Variants in S100A8 observed in about 807,000 individuals in gnomAD.
S100A8 encodes protein S100-A8.
Under a neutral mutation model 4.2 loss-of-function variants are expected in S100A8, and 1 was observed. The ratio of observed to expected loss-of-function variants is 0.24; its 90% confidence interval spans 0.08 to 1.12. S100A8 has a LOEUF of 1.12. S100A8 is among the 50% of genes most tolerant of loss of function. The pLI is 0.53. For synonymous variants in S100A8, 41 were observed against 44.7 expected (o/e 0.92, Z 0.33); for missense variants, 96 against 111.8 (o/e 0.86, Z 0.64).
the S100A8 span, chr1:153,418,246 A>T: frequency 4.3e-6 from 7 of 1,613,600 alleles, no homozygotes; most frequent in African/African-American, 9.3e-5. Context: ...CTAGCTTCTC[A>T]ATGTTGGTTG....
chr1:153,404,847 A>G, the S100A8 span, among the ~76,000 whole-genome samples: 3 of 151,996 alleles, frequency 2.0e-5, no homozygotes, highest in African/African-American at 7.2e-5. Context: ...AACCTACAGA[A>G]GGGCGGGAAC....
chr1:153,390,310 T>A, intron 2 of S100A8, 67 bp from the exon 3 acceptor site: 1 of 1,602,202 alleles, frequency 6.2e-7, no homozygotes, highest in Non-Finnish European at 8.5e-7. Context: ...CATAGCCATC[T>A]ATGAAGGGTG....
upstream of S100A8, among the ~76,000 whole-genome samples, chr1:153,393,449 T>C (rs893610323): frequency 7.9e-5 from 12 of 152,218 alleles, no homozygotes; most frequent in African/African-American, 1.9e-4. Context: ...TTAATACTTA[T>C]TGAGGGATAA....
chr1:153,403,478 G>A, the S100A8 span, among the ~76,000 whole-genome samples: 1 of 152,042 alleles, frequency 6.6e-6, no homozygotes, highest in Admixed American at 6.5e-5. Context: ...ACCTCCTGTC[G>A]AAATCTGACA....
the S100A8 span, among the ~76,000 whole-genome samples, chr1:153,413,948 T>G: frequency 6.6e-6 from 1 of 152,192 alleles, no homozygotes; most frequent in Non-Finnish European, 1.5e-5. Flanking sequence ...GACTATTGCA[T>G]CTTGGTGACT....
chr1:153,395,424 C>T (rs1364959353), upstream of S100A8, among the ~76,000 whole-genome samples: 1 of 152,122 alleles, frequency 6.6e-6, no homozygotes, highest in Non-Finnish European at 1.5e-5. Context: ...GCACCTGAAA[C>T]CTCCACCTCA....
chr1:153,398,306 C>T, the S100A8 span, among the ~76,000 whole-genome samples: 1,073 of 152,314 alleles, frequency 7.0e-3, 13 homozygotes, highest in African/African-American at 0.024. Flanking sequence ...GGTGCTGGGC[C>T]TGTCCAGGTC....
chr1:153,413,621 C>T, the S100A8 span, among the ~76,000 whole-genome samples: 1 of 152,144 alleles, frequency 6.6e-6, no homozygotes, highest in Non-Finnish European at 1.5e-5. Flanking sequence ...AAGACTATTG[C>T]CAGGTGCAGT....
the S100A8 span, among the ~76,000 whole-genome samples, chr1:153,398,691 C>T: frequency 3.9e-5 from 6 of 152,338 alleles, no homozygotes; most frequent in East Asian, 9.6e-4. Context: ...CTGCTTCCAC[C>T]GCTCATGGAG....
upstream of S100A8, among the ~76,000 whole-genome samples, chr1:153,395,820 A>G (rs992895995): frequency 6.6e-6 from 1 of 152,156 alleles, no homozygotes. Context: ...TTGCTCCTAG[A>G]CATACTTTAT....
chr1:153,412,764 G>C, the S100A8 span, among the ~76,000 whole-genome samples: 1 of 152,144 alleles, frequency 6.6e-6, no homozygotes, highest in South Asian at 2.1e-4. Context: ...ACTGGATTAA[G>C]AAAATGTGGC....
At chr1:153,392,434 C>G (rs970420514), upstream of S100A8, among the ~76,000 whole-genome samples, 16 of 152,138 alleles carry the variant, frequency 1.1e-4, no homozygotes, top group African/African-American at 3.6e-4. Context: ...GTTTGTTCCT[C>G]AAATAAATAA....
At chr1:153,396,642 G>T in the S100A8 span, 2 of 152,356 alleles carry the variant, frequency 1.3e-5, no homozygotes, top group African/African-American at 4.8e-5. Flanking sequence ...GCTGGTGGTA[G>T]TGCAGGTGGT....
At chr1:153,412,990 T>A in the S100A8 span, among the ~76,000 whole-genome samples, 1 of 151,984 alleles carries the variant, frequency 6.6e-6, no homozygotes, top group Non-Finnish European at 1.5e-5. Context: ...GTCGTGAGGT[T>A]GGGGCAGCGG....
chr1:153,421,443 T>C, the S100A8 span: 1 of 152,256 alleles, frequency 6.6e-6, no homozygotes, highest in Non-Finnish European at 1.5e-5. Flanking sequence ...CAGCACATAG[T>C]AGTACTGGAT....
chr1:153,390,789 G>T, intron 1 of S100A8: 1 of 572,618 alleles, frequency 1.7e-6, no homozygotes, highest in Non-Finnish European at 2.9e-6. Context: ...CACGGGGCCC[G>T]TAGACTTTCC....
the S100A8 span, among the ~76,000 whole-genome samples, chr1:153,413,477 T>A: frequency 3.3e-5 from 5 of 152,338 alleles, no homozygotes; most frequent in Admixed American, 3.3e-4. Context: ...TGTTTTGTTA[T>A]CTGACGACTC....
chr1:153,398,163 C>T, the S100A8 span, among the ~76,000 whole-genome samples: 1 of 152,084 alleles, frequency 6.6e-6, no homozygotes, highest in African/African-American at 2.4e-5. Context: ...ACAGTCCAGA[C>T]ACCCCAGGGC....
At chr1:153,398,441 C>T in the S100A8 span, among the ~76,000 whole-genome samples, 19,089 of 152,194 alleles carry the variant, frequency 0.13, 1,264 homozygotes, top group African/African-American at 0.17. Flanking sequence ...GCATGGATCC[C>T]ACCTCTCTTC....
Sources: gnomAD v4.1 joint callset for allele counts (sites outside exome capture counted in the v4.1 genomes callset) on GRCh38, gnomAD v4.1.1 for gene constraint, MANE v1.5 for transcripts, NCBI Gene and HGNC (gene_info 2026-07-23, HGNC 2026-07-21) for gene names.